FRMPD1: variants seen among roughly 807,000 people sequenced by gnomAD.
FRMPD1 encodes FERM and PDZ domain containing 1, also known as FERM and PDZ domain-containing protein 1.
A neutral mutation model predicts 117.8 loss-of-function variants in FRMPD1; 76 were observed. The observed-to-expected ratio is 0.65, with a 90% CI of 0.54 to 0.78. The LOEUF (loss-of-function observed/expected upper bound fraction) is 0.78. Ranked by LOEUF, FRMPD1 falls within the 30% of genes least tolerant of loss-of-function variation. The pLI is 0.00. For synonymous variants in FRMPD1, 783 were observed against 770.4 expected (o/e 1.02, Z -0.27); for missense variants, 1,786 against 1,964.5 (o/e 0.91, Z 1.72).
chr9:37,618,579 C>T, the FRMPD1 span, among the ~76,000 whole-genome samples: 2 of 152,124 alleles, frequency 1.3e-5, no homozygotes, highest in South Asian at 2.1e-4. Flanking sequence ...TATTAAGTGT[C>T]AATACCTTAC....
At chr9:37,648,896 T>A (rs1305829119), upstream of FRMPD1, among the ~76,000 whole-genome samples, 1 of 152,086 alleles carries the variant, frequency 6.6e-6, no homozygotes, top group Non-Finnish European at 1.5e-5. Context: ...GACAGAAGGT[T>A]TGGCTGAAAC....
the FRMPD1 span, among the ~76,000 whole-genome samples, chr9:37,640,224 G>A: frequency 5.9e-5 from 9 of 152,232 alleles, no homozygotes; most frequent in African/African-American, 1.7e-4. Flanking sequence ...TGCGTGTTAA[G>A]GGATTATGGT....
In FRMPD1 at chr9:37,657,892, C is replaced by T. The variant is rs924204186; in HGVS notation, c.-5+6798C>T. On this transcript the variant is annotated intron_variant, in intron 1 of 15. Transcript: ENST00000377765. ...GCCTCCCTCTGCTTGGACCTACCAA[C>T]CCCCACCACCTTCCTATTCCATCCT... is the stretch of plus-strand genomic sequence containing the variant. 2.0e-5 allele frequency among the ~76,000 whole-genome samples: 3 copies of T among 152,062 alleles called. No homozygotes were observed. In the East Asian group the frequency reaches 5.8e-4, roughly 30 times the overall value.
At chr9:37,606,476 C>CA in the FRMPD1 span, among the ~76,000 whole-genome samples, 3 of 152,086 alleles carry the variant, frequency 2.0e-5, no homozygotes, top group African/African-American at 4.8e-5. Flanking sequence ...TGCCCATGGA[C>CA]AAAAAGATAC....
At chr9:37,630,843 T>A in the FRMPD1 span, among the ~76,000 whole-genome samples, 1 of 152,348 alleles carries the variant, frequency 6.6e-6, no homozygotes, top group East Asian at 1.9e-4. Flanking sequence ...GTGTCCCCTG[T>A]TATTCAGTGC....
chr9:37,655,566 C>T (rs910910643), intron 1 of FRMPD1, among the ~76,000 whole-genome samples: 9 of 137,486 alleles, frequency 6.5e-5, no homozygotes, highest in African/African-American at 1.9e-4. Context: ...TGCAGTGGTG[C>T]GATCTCGGCT....
Position 37,692,702 on chromosome 9 carries a change from G to A in FRMPD1, c.61G>A (p.Val21Met). The A allele has an allele frequency of 6.2e-7, 1 of 1,614,000 alleles. No homozygotes were observed. The highest frequency in any genetic ancestry group is 1.7e-5 in the Admixed American group (1 of 60,024). Residue 21 changes from valine (V) to methionine (M), a missense_variant, in exon 2 of 16, where the codon GTG becomes ATG. Transcript: ENST00000377765. ...GAAAGCACATAGAATAGAACAAATG[G>A]TGGCAAGATGGCTTCGGCGCTCCCG... ...TRKAHRIEQMVARWLRRSRDS... is the reference protein window; with the variant it reads ...TRKAHRIEQMMARWLRRSRDS...
the FRMPD1 span, among the ~76,000 whole-genome samples, chr9:37,632,256 A>C: frequency 2.0e-5 from 3 of 152,226 alleles, no homozygotes; most frequent in East Asian, 3.8e-4. Context: ...ACCTGTATTC[A>C]ATTTCCTAAT....
At chr9:37,742,157 C>G (rs991273094) in intron 15 of FRMPD1, among the ~76,000 whole-genome samples, 8 of 152,142 alleles carry the variant, frequency 5.3e-5, no homozygotes, top group African/African-American at 1.9e-4. Context: ...AATGAAGTCT[C>G]CACCATCTAC....
At chr9:37,634,910 G>A in the FRMPD1 span, among the ~76,000 whole-genome samples, 1 of 151,818 alleles carries the variant, frequency 6.6e-6, no homozygotes, top group African/African-American at 2.4e-5. Flanking sequence ...GCCATGGTGT[G>A]TGTTGTTCCC....
At chr9:37,738,962 G>A (rs1824257142) in intron 14 of FRMPD1, among the ~76,000 whole-genome samples, 1 of 152,166 alleles carries the variant, frequency 6.6e-6, no homozygotes, top group Non-Finnish European at 1.5e-5. Context: ...GCTGCCATGG[G>A]GGACTGGGTG....
chr9:37,664,298 TATGTATG>T (rs1821090799), intron 1 of FRMPD1, among the ~76,000 whole-genome samples: 1 of 148,156 alleles, frequency 6.7e-6, no homozygotes, highest in African/African-American at 2.6e-5. Flanking sequence ...TGTATGTATG[TATGTATG>T]TATTTATTTA....
the FRMPD1 span, among the ~76,000 whole-genome samples, chr9:37,609,224 G>A: frequency 3.3e-5 from 5 of 151,950 alleles, no homozygotes; most frequent in East Asian, 1.9e-4. Flanking sequence ...CCTGGGAGGC[G>A]GAGTTTGCGG....
At chr9:37,678,251 CTTTTTTTTTTTTTTTTT>C (rs34040451) in intron 1 of FRMPD1, among the ~76,000 whole-genome samples, 5 of 79,822 alleles carry the variant, frequency 6.3e-5, no homozygotes, top group Non-Finnish European at 2.3e-5. Context: ...GTACTTACCA[CTTTTTTTTTTTTTTTTT>C]TTTTTTTTTT....
At chr9:37,638,008 C>CTT in the FRMPD1 span, among the ~76,000 whole-genome samples, 9 of 107,198 alleles carry the variant, frequency 8.4e-5, no homozygotes, top group African/African-American at 2.9e-4. Context: ...TTCTTTCTTT[C>CTT]TTTCTTTCTT....
In FRMPD1 at chr9:37,731,111, G is replaced by C. The variant is rs760981369; in HGVS notation, c.858+8G>C. The stretch of plus-strand genomic sequence containing the variant: ...GAATACCTCTATCTGCAGGTGACTG[G>C]GTCTGTGCTTCCTAAAATAACAGTG... On this transcript the variant is annotated splice_region_variant and intron_variant, in intron 9 of 15. Coordinates refer to ENST00000377765, the MANE Select transcript of FRMPD1 (RefSeq NM_014907.3). The C allele has an allele frequency of 4.3e-6, 7 of 1,612,906 alleles. No homozygotes were observed. Among genetic ancestry groups the C allele is most frequent in the Non-Finnish European group, 5.9e-6 (7 of 1,179,076 alleles).
the FRMPD1 span, among the ~76,000 whole-genome samples, chr9:37,607,925 G>A: frequency 6.6e-6 from 1 of 152,222 alleles, no homozygotes; most frequent in Non-Finnish European, 1.5e-5. Flanking sequence ...GCAAGAGTGT[G>A]TTTCTTCAAG....
intron 15 of FRMPD1, among the ~76,000 whole-genome samples, chr9:37,742,349 A>C (rs1040709259): frequency 6.6e-6 from 1 of 152,208 alleles, no homozygotes; most frequent in African/African-American, 2.4e-5. Flanking sequence ...CTTTTATGGG[A>C]GTCTAGTCAG....
intron 1 of FRMPD1, among the ~76,000 whole-genome samples, chr9:37,659,505 AAGG>A (rs1820933518): frequency 6.6e-6 from 1 of 152,156 alleles, no homozygotes; most frequent in Admixed American, 6.5e-5. Flanking sequence ...TGTCAGTGGG[AAGG>A]AGAAGCTGTG....
Sources: allele counts gnomAD v4.1 joint callset (sites outside exome capture counted in the v4.1 genomes callset), GRCh38; gene constraint gnomAD v4.1.1; transcripts MANE v1.5; gene names NCBI Gene and HGNC (gene_info 2026-07-23, HGNC 2026-07-21).